Variants in TASP1 observed in about 807,000 individuals in gnomAD.
TASP1 encodes the protein threonine aspartase 1.
A neutral mutation model predicts 56.6 loss-of-function variants in TASP1; 16 were observed. The observed-to-expected ratio is 0.28, with a 90% confidence interval of 0.19 to 0.43. TASP1 has a LOEUF of 0.43. Among genes scored for constraint, TASP1 ranks in the 20% least tolerant of loss-of-function variants. The pLI is 1.00. For missense variants in TASP1, 393 were observed against 511.6 expected (o/e 0.77, Z 2.24); for synonymous variants, 179 against 184.2 (o/e 0.97, Z 0.23).
the TASP1 span, chr20:13,298,822 G>A: frequency 3.2e-6 from 3 of 935,368 alleles, no homozygotes; most frequent in African/African-American, 1.7e-5. Flanking sequence ...TCAGGGAGTT[G>A]TTGACTTTAG....
chr20:13,417,413 A>G (rs776935681), intron 13 of TASP1, 35 bp downstream of exon 13: 148 of 1,611,882 alleles, frequency 9.2e-5, no homozygotes, highest in Admixed American at 6.2e-4. Flanking sequence ...GATGGCTACA[A>G]GGTTTTCAGG....
the TASP1 span, among the ~76,000 whole-genome samples, chr20:13,137,448 TC>T: frequency 6.6e-6 from 1 of 152,186 alleles, no homozygotes; most frequent in Non-Finnish European, 1.5e-5. Flanking sequence ...GATTTTTTAT[TC>T]ATATTTGGTT....
chr20:13,144,901 A>G, the TASP1 span, among the ~76,000 whole-genome samples: 1 of 152,136 alleles, frequency 6.6e-6, no homozygotes, highest in Non-Finnish European at 1.5e-5. Flanking sequence ...CAGCCTCCCA[A>G]GTAGCTGGGA....
chr20:13,383,112 C>G, the TASP1 span, among the ~76,000 whole-genome samples: 1 of 152,042 alleles, frequency 6.6e-6, no homozygotes, highest in African/African-American at 2.4e-5. Context: ...AGTATGGGGT[C>G]GGAGAACAAG....
Position 13,430,499 on chromosome 20 carries a change from G to A in TASP1, c.1096+4545C>T, listed in dbSNP as rs868180924. Among the ~76,000 whole-genome samples, 3 of 152,162 alleles carry A rather than the reference G, an allele frequency of 2.0e-5. No homozygotes were observed. In the East Asian group the frequency reaches 5.8e-4, roughly 29 times the overall value. ...GGAAGTCGCAGTTTTTTGCGAAGTG[G>A]GCTTCCCCACAGTGCTGCTTGAGTG... On this transcript the variant is annotated intron_variant, in intron 12 of 13. Coordinates refer to ENST00000337743, the MANE Select transcript of TASP1 (RefSeq NM_017714.3).
the TASP1 span, chr20:13,245,467 A>G: frequency 6.6e-6 from 1 of 152,224 alleles, no homozygotes; most frequent in Non-Finnish European, 1.5e-5. Context: ...ATTTGTCAGA[A>G]GCAAGTCGTT....
rs1363472166 is a variant in TASP1 at position 13,589,474 on chromosome 20, A to C, written c.283-2104T>G. 3.3e-5 allele frequency among the ~76,000 whole-genome samples: 5 copies of C among 152,206 alleles called. No individual in the cohort carries two copies. In the East Asian group the frequency reaches 9.6e-4, roughly 29 times the overall value. ...TAAAAATTAACTCAAAGTGGACCAA[A>C]GCCCTGTATGTAAGAGCTAAAACTA... On this transcript the variant is annotated intron_variant, in intron 4 of 13. Coordinates refer to ENST00000337743, the MANE Select transcript of TASP1 (RefSeq NM_017714.3).
the TASP1 span, among the ~76,000 whole-genome samples, chr20:13,209,179 C>T: frequency 6.6e-6 from 1 of 152,158 alleles, no homozygotes; most frequent in Admixed American, 6.5e-5. Context: ...TGACCTGAAA[C>T]CTGTACTCCA....
the TASP1 span, among the ~76,000 whole-genome samples, chr20:13,199,708 G>C: frequency 5.3e-5 from 8 of 152,160 alleles, no homozygotes; most frequent in Admixed American, 4.6e-4. Context: ...TCAGTGAACA[G>C]TTGAATCTTA....
chr20:13,409,946 T>C (rs1429600355), intron 13 of TASP1, among the ~76,000 whole-genome samples: 2 of 152,184 alleles, frequency 1.3e-5, no homozygotes, highest in East Asian at 1.9e-4. Context: ...ACTGTACCCA[T>C]TGACCGACCT....
At chr20:13,510,595 C>T (rs1246479532) in intron 10 of TASP1, among the ~76,000 whole-genome samples, 1 of 152,062 alleles carries the variant, frequency 6.6e-6, no homozygotes, top group East Asian at 1.9e-4. Context: ...CTCTAAATAC[C>T]TAATCTATAA....
At chr20:13,274,527 G>A in the TASP1 span, among the ~76,000 whole-genome samples, 2 of 152,188 alleles carry the variant, frequency 1.3e-5, no homozygotes, top group African/African-American at 2.4e-5. Context: ...CTTGATACCC[G>A]CCTTCCCCTC....
At chr20:13,524,594 G>T (rs544701162) in intron 10 of TASP1, among the ~76,000 whole-genome samples, 2 of 152,136 alleles carry the variant, frequency 1.3e-5, no homozygotes, top group Non-Finnish European at 2.9e-5. Context: ...TTATCTTACT[G>T]CCTCAAGACA....
intron 11 of TASP1, among the ~76,000 whole-genome samples, chr20:13,446,524 A>G (rs1861472642): frequency 6.6e-6 from 1 of 152,118 alleles, no homozygotes; most frequent in African/African-American, 2.4e-5. Context: ...AAATAATACA[A>G]AATGAAAGTA....
chr20:13,622,792 C>T (rs1261368310), intron 4 of TASP1, among the ~76,000 whole-genome samples: 3 of 152,184 alleles, frequency 2.0e-5, no homozygotes, highest in Non-Finnish European at 4.4e-5. Flanking sequence ...AACTGATTGA[C>T]ACAAATCTAT....
At chr20:13,238,791 G>T in the TASP1 span, among the ~76,000 whole-genome samples, 341 of 152,242 alleles carry the variant, frequency 2.2e-3, 3 homozygotes, top group African/African-American at 7.3e-3. Context: ...ATCCTTTCAG[G>T]TTCACTCATG....
intron 10 of TASP1, among the ~76,000 whole-genome samples, chr20:13,506,118 AT>A (rs1449566274): frequency 1.3e-5 from 2 of 152,160 alleles, no homozygotes; most frequent in Non-Finnish European, 2.9e-5. Context: ...ACCATGAACA[AT>A]TATATGCTAA....
chr20:13,141,073 A>C, the TASP1 span, among the ~76,000 whole-genome samples: 18 of 152,344 alleles, frequency 1.2e-4, no homozygotes, highest in South Asian at 1.7e-3. Context: ...ACAGGGACTA[A>C]GTGGGAAGAT....
chr20:13,124,809 C>T, the TASP1 span, among the ~76,000 whole-genome samples: 7,650 of 152,226 alleles, frequency 0.05, 285 homozygotes, highest in South Asian at 0.089. Context: ...TGGGCAGGGA[C>T]CAGGCCCAGG....
Sources: gnomAD v4.1 joint callset for allele counts (sites outside exome capture counted in the v4.1 genomes callset) on GRCh38, gnomAD v4.1.1 for gene constraint, MANE v1.5 for transcripts, NCBI Gene and HGNC (gene_info 2026-07-23, HGNC 2026-07-21) for gene names.